The following RBFOX1 variants were observed in gnomAD, a reference collection of about 807,000 sequenced individuals.
RBFOX1 encodes RNA binding fox-1 homolog 1.
In RBFOX1, 8 loss-of-function variants were observed where a neutral mutation model predicts 57.7. The observed-to-expected ratio is 0.14, with a 90% CI of 0.08 to 0.25. The LOEUF (loss-of-function observed/expected upper bound fraction) is 0.25. RBFOX1 is among the 10% of genes least tolerant of loss of function. RBFOX1 has a pLI of 1.00. For missense variants in RBFOX1, 611 were observed against 548.5 expected (o/e 1.11, Z -1.14); for synonymous variants, 326 against 222.4 (o/e 1.47, Z -4.15).
Position 7,251,631 on chromosome 16 carries a change from C to G in RBFOX1, c.27+199533C>G, listed in dbSNP as rs189858759. Among the ~76,000 whole-genome samples the G allele has an allele frequency of 2.7e-3, 404 of 152,030 alleles. 5 individuals are homozygous for G. The highest frequency in any genetic ancestry group is 8.9e-3 in the African/African-American group (369 of 41,484). Reference sequence around the variant, plus strand: ...GACGAAGTTTCACCATGTTGGCTTGCCTGGTCTTGAACTCCTGACCTCAAG... The same window carrying G: ...GACGAAGTTTCACCATGTTGGCTTGGCTGGTCTTGAACTCCTGACCTCAAG... On this transcript the variant is annotated intron_variant, in intron 4 of 15. Transcript: ENST00000550418.
At chr16:7,307,471 A>C (rs2096216941) in intron 4 of RBFOX1, among the ~76,000 whole-genome samples, 1 of 152,242 alleles carries the variant, frequency 6.6e-6, no homozygotes, top group South Asian at 2.1e-4. Context: ...TTATTTACTT[A>C]GGCCAATGAA....
chr16:7,240,709 C>T (rs1489483643), intron 4 of RBFOX1, among the ~76,000 whole-genome samples: 1 of 152,010 alleles, frequency 6.6e-6, no homozygotes, highest in Non-Finnish European at 1.5e-5. Context: ...CATTCACCAC[C>T]ACACCTGGCT....
chr16:6,537,903 TG>T (rs1567601381), intron 2 of RBFOX1, among the ~76,000 whole-genome samples: 1 of 151,878 alleles, frequency 6.6e-6, no homozygotes, highest in African/African-American at 2.4e-5. Flanking sequence ...TATAGCTGAA[TG>T]GAAGAACCGG....
intron 1 of RBFOX1, among the ~76,000 whole-genome samples, chr16:5,345,057 C>G (rs1323836192): frequency 6.6e-6 from 1 of 152,222 alleles, no homozygotes; most frequent in Admixed American, 6.5e-5. Context: ...CGTCCTCCCC[C>G]TTTTGTCAAG....
chr16:7,508,904 T>A (rs143164895), intron 4 of RBFOX1, among the ~76,000 whole-genome samples: 145 of 152,360 alleles, frequency 9.5e-4, no homozygotes, highest in African/African-American at 3.2e-3. Flanking sequence ...AGCAGCTATC[T>A]GTAGGAACGG....
intron 13 of RBFOX1, 58 bp from the exon 14 acceptor site, chr16:7,676,716 G>T: frequency 1.4e-6 from 2 of 1,437,784 alleles, no homozygotes; most frequent in Non-Finnish European, 9.8e-7. Context: ...CTTGCCACTG[G>T]GCATCCCTGC....
At chr16:6,782,224 C>T (rs1017998503) in intron 3 of RBFOX1, among the ~76,000 whole-genome samples, 1 of 152,140 alleles carries the variant, frequency 6.6e-6, no homozygotes, top group Non-Finnish European at 1.5e-5. Context: ...CCAGGGTGAT[C>T]TCTGTCTCTT....
chr16:7,328,379 C>G (rs182063306), intron 4 of RBFOX1, among the ~76,000 whole-genome samples: 41 of 147,586 alleles, frequency 2.8e-4, no homozygotes, highest in Admixed American at 2.7e-3. Flanking sequence ...ACTCGGCAGG[C>G]TGAAGCAGAA....
At chr16:6,239,324 G>T (rs554123419) in intron 1 of RBFOX1, among the ~76,000 whole-genome samples, 2 of 151,818 alleles carry the variant, frequency 1.3e-5, no homozygotes, top group Non-Finnish European at 2.9e-5. Flanking sequence ...GGGCCCCACC[G>T]TGTCCGAAGG....
At chr16:6,978,337 T>C (rs1033022277) in intron 3 of RBFOX1, among the ~76,000 whole-genome samples, 3 of 152,244 alleles carry the variant, frequency 2.0e-5, no homozygotes, top group African/African-American at 7.2e-5. Context: ...CGGTGCTCTA[T>C]TTTGGGCTGG....
intron 4 of RBFOX1, among the ~76,000 whole-genome samples, chr16:7,136,629 C>T (rs554861376): frequency 6.6e-6 from 1 of 152,070 alleles, no homozygotes; most frequent in Non-Finnish European, 1.5e-5. Context: ...GTTGCCCAGG[C>T]TGATCTTGAA....
intron 2 of RBFOX1, among the ~76,000 whole-genome samples, chr16:5,509,880 G>A (rs1003621304): frequency 2.6e-5 from 4 of 152,184 alleles, no homozygotes; most frequent in Non-Finnish European, 5.9e-5. Context: ...AAGAACCTTG[G>A]CGCAGACGAG....
chr16:7,498,948 C>T (rs2069664125), intron 4 of RBFOX1, among the ~76,000 whole-genome samples: 1 of 152,198 alleles, frequency 6.6e-6, no homozygotes, highest in African/African-American at 2.4e-5. Flanking sequence ...ACATCCTTAG[C>T]TGTTTACCTA....
At chr16:5,287,313 A>AT (rs1207763200) in intron 1 of RBFOX1, among the ~76,000 whole-genome samples, 7 of 151,868 alleles carry the variant, frequency 4.6e-5, no homozygotes, top group East Asian at 3.9e-4. Context: ...CAAAAAAAAA[A>AT]AAGGTTGGTT....
chr16:5,462,387 C>G (rs533936815), intron 1 of RBFOX1, among the ~76,000 whole-genome samples: 4 of 152,152 alleles, frequency 2.6e-5, no homozygotes, highest in South Asian at 2.1e-4. Flanking sequence ...CCAGGCTGGT[C>G]TTGATCTCCT....
At chr16:5,982,044 G>C (rs921442763) in intron 4 of RBFOX1, among the ~76,000 whole-genome samples, 1 of 152,142 alleles carries the variant, frequency 6.6e-6, no homozygotes, top group South Asian at 2.1e-4. Context: ...CTGTCAAAAG[G>C]CCAGGACACA....
chr16:5,371,737 C>T (rs182562418), intron 1 of RBFOX1, among the ~76,000 whole-genome samples: 228 of 152,278 alleles, frequency 1.5e-3, no homozygotes, highest in African/African-American at 5.1e-3. Context: ...TGAGGGTGAC[C>T]GGCATTTCCG....
At chr16:6,900,253 T>C (rs1445170070) in intron 3 of RBFOX1, among the ~76,000 whole-genome samples, 2 of 152,216 alleles carry the variant, frequency 1.3e-5, no homozygotes, top group Non-Finnish European at 2.9e-5. Flanking sequence ...CATCCCATCA[T>C]AATATTCAAA....
intron 2 of RBFOX1, among the ~76,000 whole-genome samples, chr16:6,444,256 C>T (rs2094442122): frequency 6.6e-6 from 1 of 152,078 alleles, no homozygotes; most frequent in African/African-American, 2.4e-5. Flanking sequence ...ATGCTCTCCC[C>T]AGGACCCGGC....
Sources: allele counts gnomAD v4.1 joint callset (sites outside exome capture counted in the v4.1 genomes callset), GRCh38; gene constraint gnomAD v4.1.1; transcripts MANE v1.5; gene names NCBI Gene and HGNC (gene_info 2026-07-23, HGNC 2026-07-21).